JCAD: variants seen among roughly 807,000 people sequenced by gnomAD.
JCAD encodes junctional cadherin 5 associated, also known as junctional cadherin 5-associated protein.
In JCAD, 40 loss-of-function variants were observed where a neutral mutation model predicts 98.0. The ratio of observed to expected loss-of-function variants is 0.41; its 90% CI spans 0.32 to 0.53. The LOEUF is 0.53. JCAD is among the 20% of genes least tolerant of loss of function. The pLI is 0.31. For missense variants in JCAD, 1,705 were observed against 1,738.1 expected (o/e 0.98, Z 0.34); for synonymous variants, 691 against 682.3 (o/e 1.01, Z -0.20).
intron 1 of JCAD, among the ~76,000 whole-genome samples, chr10:30,074,092 T>A (rs1355628344): frequency 1.3e-5 from 2 of 152,104 alleles, no homozygotes; most frequent in Non-Finnish European, 2.9e-5. Flanking sequence ...AGTCTTGGTG[T>A]TGGAAATCTT....
At chr10:30,111,117 T>C (rs1055914998) in intron 1 of JCAD, among the ~76,000 whole-genome samples, 5 of 152,156 alleles carry the variant, frequency 3.3e-5, no homozygotes, top group Admixed American at 3.3e-4. Context: ...CTGGTTGATG[T>C]ATGGACCCCT....
intron 2 of JCAD, among the ~76,000 whole-genome samples, chr10:30,043,104 T>C (rs773340137): frequency 1.1e-4 from 16 of 152,232 alleles, no homozygotes; most frequent in Non-Finnish European, 2.4e-4. Flanking sequence ...TTTAGCAAGT[T>C]CACATGCTCC....
intron 1 of JCAD, among the ~76,000 whole-genome samples, chr10:30,075,309 A>G (rs1414869065): frequency 6.6e-6 from 1 of 152,178 alleles, no homozygotes; most frequent in Non-Finnish European, 1.5e-5. Context: ...TATTATGAGG[A>G]AGCTGATCCC....
chr10:30,042,274 C>T (rs1177048878), intron 2 of JCAD, among the ~76,000 whole-genome samples: 1 of 152,188 alleles, frequency 6.6e-6, no homozygotes. Flanking sequence ...TCCTCACCCG[C>T]AGCACCTGCA....
intron 1 of JCAD, among the ~76,000 whole-genome samples, chr10:30,106,336 C>T (rs1013214233): frequency 4.6e-5 from 7 of 151,858 alleles, no homozygotes; most frequent in Non-Finnish European, 1.0e-4. Context: ...GAGGCTAAGA[C>T]AGGAGGATTG....
At position 30,017,723 on chromosome 10, in the gene JCAD, T is replaced by C. The variant is rs1836563755; in HGVS notation, c.*160A>G. On this transcript the variant is annotated 3_prime_UTR_variant, in exon 4 of 4. Transcript: ENST00000375377. ...TCGCCACAAAGCAATTCTGAGAGGA[T>C]GGCAAGTTTCCTAGTGGCAGTGGTA... 6 of 687,414 alleles carry C rather than the reference T, an allele frequency of 8.7e-6. No homozygotes were observed. The East Asian group carries it at 1.6e-4, about 19-fold the overall frequency. The allele number at this position is 687,414 out of a possible 1,614,324, so 42.6% of individuals were successfully genotyped here.
In JCAD at chr10:30,016,885, T is replaced by A. The variant is rs183003946; in HGVS notation, c.*998A>T. On this transcript the variant is annotated 3_prime_UTR_variant, in exon 4 of 4. Transcript: ENST00000375377. Reference sequence around the variant, plus strand: ...TTATTAACCCTGTGATATGTCTATATTGACATTTTCTAAGATAAAATAAAA... The same window carrying A: ...TTATTAACCCTGTGATATGTCTATAATGACATTTTCTAAGATAAAATAAAA... 1 of 152,240 alleles carries A rather than the reference T, an allele frequency of 6.6e-6. No individual in the cohort carries two copies. Among genetic ancestry groups the A allele is most frequent in the African/African-American group, 2.4e-5 (1 of 41,462 alleles). The allele number at this position is 152,240 out of a possible 1,614,324, so 9.4% of individuals were successfully genotyped here.
At chr10:30,078,549 G>A (rs1329857225) in intron 1 of JCAD, among the ~76,000 whole-genome samples, 2 of 152,180 alleles carry the variant, frequency 1.3e-5, no homozygotes, top group African/African-American at 4.8e-5. Context: ...AGCGGCCATT[G>A]TGGGGCTCAC....
Position 30,027,816 on chromosome 10 carries a change from T to C in JCAD, c.2332A>G (p.Lys778Glu). The change falls in exon 3 of 4, where the codon AAA becomes GAA. Residue 778 changes from lysine (K) to glutamate (E), a missense_variant. Physicochemically the swap from Lys to Glu is moderately conservative, Grantham distance 56 (BLOSUM62 1). Coordinates refer to ENST00000375377, the MANE Select transcript of JCAD (RefSeq NM_020848.4). ...SLSVDQAPTP[K>E]AGRSQPCVDV... The stretch of plus-strand genomic sequence containing the variant: ...ACGCAGGGCTGACTTCGGCCTGCTT[T>C]TGGCGTCGGTGCCTGGTCCACGGAC... The C allele has an allele frequency of 6.2e-7, 1 of 1,614,252 alleles. No homozygotes were observed.
In JCAD at chr10:30,026,480, G is replaced by GTTCT; in HGVS notation, c.3664_3667dup (p.Thr1223LysfsTer9). 6.2e-7 allele frequency: 1 copy of GTTCT among 1,614,202 alleles called. No individual in the cohort carries two copies. The highest frequency in any genetic ancestry group is 8.5e-7 in the Non-Finnish European group (1 of 1,180,044). ...CTTTTCAGAGCCTGCCACACTTGGG[G>GTTCT]TTCTTTCTACAAAATGGAATAAAGT... On this transcript the variant is annotated frameshift_variant, in exon 3 of 4. Coordinates refer to ENST00000375377, the MANE Select transcript of JCAD (RefSeq NM_020848.4). LOFTEE classifies it high-confidence loss of function.
intron 2 of JCAD, among the ~76,000 whole-genome samples, chr10:30,038,270 G>A (rs1837162412): frequency 2.0e-5 from 3 of 152,172 alleles, no homozygotes; most frequent in African/African-American, 7.2e-5. Flanking sequence ...GCGCCAGCTT[G>A]GAAACTGTCA....
intron 2 of JCAD, among the ~76,000 whole-genome samples, chr10:30,041,313 A>C (rs908613222): frequency 1.3e-5 from 2 of 152,214 alleles, no homozygotes; most frequent in African/African-American, 4.8e-5. Context: ...CCTCGTAACA[A>C]GGTCAAAATA....
chr10:30,062,274 A>G (rs2795590), upstream of JCAD, among the ~76,000 whole-genome samples: 149,898 of 152,354 alleles, frequency 0.98, 73,754 homozygotes, highest in East Asian at 1. Context: ...AGATGCTTGT[A>G]GTTTCTTGAC....
chr10:30,058,752 T>C (rs1283160004), intron 1 of JCAD, among the ~76,000 whole-genome samples: 1 of 151,910 alleles, frequency 6.6e-6, no homozygotes, highest in South Asian at 2.1e-4. Context: ...GGGTTCCAGA[T>C]CCCATAAATG....
Position 30,028,467 on chromosome 10 carries a change from AC to A in JCAD, c.1680del (p.Lys560AsnfsTer16). 6.2e-7 allele frequency: 1 copy of A among 1,614,184 alleles called. No homozygotes were observed. Among genetic ancestry groups the A allele is most frequent in the Non-Finnish European group, 8.5e-7 (1 of 1,180,034 alleles). On this transcript the variant is annotated frameshift_variant, in exon 3 of 4. Coordinates refer to ENST00000375377, the MANE Select transcript of JCAD (RefSeq NM_020848.4). LOFTEE classifies it high-confidence loss of function. ...TTCTTGGTCCGAGTCCCAGTTTGGA[AC>A]TTTTTGAGCTTGGTTTGAGTTTCGC... ...STCETQTKLK[K>X]FQTGTRTKKS...
rs150974148 is a variant in JCAD, at chr10:30,028,655, C to G, written c.1493G>C (p.Arg498Pro). Residue 498 changes from arginine to proline, a missense_variant, in exon 3 of 4, where the codon CGG (arginine) becomes CCG (proline). Arg to Pro is a moderately radical substitution (Grantham distance 103). Around this residue, in one of 3 missense-constraint regions of JCAD, gnomAD observed 1,278 missense variants for 1,243.1 expected, o/e 1.03. Coordinates refer to ENST00000375377, the MANE Select transcript of JCAD (RefSeq NM_020848.4). Reference sequence around the variant, plus strand: ...CCCGGGGGGCTGGCCCCACAGCCACCGGGGGCTGGAATCGGCCAAGACCAG... The same window carrying G: ...CCCGGGGGGCTGGCCCCACAGCCACGGGGGGCTGGAATCGGCCAAGACCAG... ...RGLVLADSSPRWLWGQPPGDG... is the reference protein window; with the variant it reads ...RGLVLADSSPPWLWGQPPGDG... The G allele has an allele frequency of 1.4e-5, 23 of 1,605,526 alleles. No homozygotes were observed. Among genetic ancestry groups the G allele is most frequent in the Admixed American group, 3.4e-5 (2 of 58,640 alleles).
intron 2 of JCAD, among the ~76,000 whole-genome samples, chr10:30,068,493 G>A (rs1262176331): frequency 6.6e-6 from 1 of 151,676 alleles, no homozygotes; most frequent in Non-Finnish European, 1.5e-5. Flanking sequence ...ATCACACATG[G>A]AAGCTGCTGG....
At position 30,092,098 on chromosome 10, in the gene JCAD, T is replaced by TTAAATATATATATATATATATATA. The variant is rs11268260; in HGVS notation, n.129-22278_129-22277insTATATATATATATATATATATTTA. On this transcript the variant is annotated intron_variant and non_coding_transcript_variant, in intron 1 of 2. Coordinates refer to the JCAD transcript ENST00000465712. ...ATATATATATATATATAAAGTTACTTTATATATATATATATATATATATAT... is the reference window on the plus strand; with the variant it reads ...ATATATATATATATATAAAGTTACTTTAAATATATATATATATATATATATATATATATATATATATATATATAT... Among the ~76,000 whole-genome samples, 65 of 44,528 alleles carry TTAAATATATATATATATATATATA rather than the reference T, an allele frequency of 1.5e-3. 3 individuals carry two copies. The highest frequency in any genetic ancestry group is 1.9e-3 in the Non-Finnish European group (55 of 28,530). 29.2% of individuals were successfully genotyped at this position (44,528 alleles called of 152,430 possible).
chr10:30,050,598 T>A (rs1837448975), intron 1 of JCAD, among the ~76,000 whole-genome samples: 1 of 152,184 alleles, frequency 6.6e-6, no homozygotes. Context: ...TGTGCTACAG[T>A]CCATTTGTCA....
Sources: allele counts gnomAD v4.1 joint callset (sites outside exome capture counted in the v4.1 genomes callset), GRCh38; gene constraint gnomAD v4.1.1; regional missense constraint gnomAD v4.1.1; transcripts MANE v1.5; gene names NCBI Gene and HGNC (gene_info 2026-07-23, HGNC 2026-07-21).